PLCL2: variants seen among roughly 807,000 people sequenced by gnomAD.
PLCL2 encodes the protein phospholipase C like 2.
Under a neutral mutation model 79.6 loss-of-function variants are expected in PLCL2, and 4 were observed. The ratio of observed to expected loss-of-function variants is 0.05; its 90% CI spans 0.02 to 0.11. The LOEUF (loss-of-function observed/expected upper bound fraction) is 0.11. Ranked by LOEUF, PLCL2 falls within the 10% of genes least tolerant of loss-of-function variation. The pLI, the probability that PLCL2 is intolerant of heterozygous loss-of-function variation, is 1.00. For synonymous variants in PLCL2, 484 were observed against 457.7 expected (o/e 1.06, Z -0.73); for missense variants, 895 against 1,291.0 (o/e 0.69, Z 4.70).
intron 1 of PLCL2, among the ~76,000 whole-genome samples, chr3:16,960,895 A>G (rs2063748320): frequency 6.6e-6 from 1 of 152,240 alleles, no homozygotes; most frequent in Non-Finnish European, 1.5e-5. Context: ...AATAATTTCA[A>G]TAATGACTTC....
intron 1 of PLCL2, among the ~76,000 whole-genome samples, chr3:16,963,114 G>T (rs1450164925): frequency 6.6e-6 from 1 of 151,980 alleles, no homozygotes; most frequent in African/African-American, 2.4e-5. Context: ...TTTATGTAAA[G>T]ATTTTCATTA....
intron 5 of PLCL2, among the ~76,000 whole-genome samples, chr3:17,083,073 G>A (rs1464097914): frequency 2.6e-5 from 4 of 152,038 alleles, no homozygotes; most frequent in Non-Finnish European, 5.9e-5. Context: ...AAAAATTCCT[G>A]CCCTCGTGAA....
intron 3 of PLCL2, chr3:17,035,708 G>A: frequency 2.0e-6 from 1 of 494,768 alleles, no homozygotes; most frequent in Non-Finnish European, 4.0e-6. Flanking sequence ...CTGCAGTGTA[G>A]AAGTTTATAT....
intron 5 of PLCL2, among the ~76,000 whole-genome samples, chr3:17,072,305 G>A (rs1486453039): frequency 1.3e-5 from 2 of 152,114 alleles, no homozygotes; most frequent in Non-Finnish European, 2.9e-5. Flanking sequence ...GTTAATAGAA[G>A]TCATTTTGCT....
intron 1 of PLCL2, among the ~76,000 whole-genome samples, chr3:16,930,954 C>T (rs926737446): frequency 1.4e-4 from 22 of 152,118 alleles, no homozygotes; most frequent in Admixed American, 7.2e-4. Context: ...CTAGGCATGT[C>T]AGTCTTCTAT....
chr3:16,974,275 G>A (rs992900204), intron 1 of PLCL2, among the ~76,000 whole-genome samples: 1 of 152,172 alleles, frequency 6.6e-6, no homozygotes, highest in Admixed American at 6.5e-5. Context: ...GGGTCTCACA[G>A]CTGCAGTGGA....
intron 1 of PLCL2, among the ~76,000 whole-genome samples, chr3:16,977,481 A>G (rs929900616): frequency 1.3e-5 from 2 of 151,914 alleles, no homozygotes; most frequent in Admixed American, 6.6e-5. Context: ...CTTTTAATCC[A>G]TTCAGATCTA....
chr3:16,944,296 T>C (rs2063581173), intron 1 of PLCL2, among the ~76,000 whole-genome samples: 1 of 152,206 alleles, frequency 6.6e-6, no homozygotes, highest in South Asian at 2.1e-4. Context: ...TTTCCACTTC[T>C]AACGTGCCAG....
intron 1 of PLCL2, among the ~76,000 whole-genome samples, chr3:16,962,627 T>A (rs899689216): frequency 1.3e-5 from 2 of 152,156 alleles, no homozygotes; most frequent in Non-Finnish European, 2.9e-5. Flanking sequence ...AAACTTGATA[T>A]TGTTAAAATT....
chr3:16,947,654 A>G (rs2063614744), intron 1 of PLCL2, among the ~76,000 whole-genome samples: 1 of 152,184 alleles, frequency 6.6e-6, no homozygotes, highest in African/African-American at 2.4e-5. Flanking sequence ...ATTTACCCCA[A>G]GTCAGAAAAG....
chr3:17,075,988 A>G (rs1429600909), intron 5 of PLCL2, among the ~76,000 whole-genome samples: 2 of 152,224 alleles, frequency 1.3e-5, no homozygotes, highest in East Asian at 3.8e-4. Flanking sequence ...GAACATTCAC[A>G]TATCAGTCTT....
intron 4 of PLCL2, among the ~76,000 whole-genome samples, chr3:17,050,620 C>T (rs1311420558): frequency 6.6e-6 from 1 of 152,090 alleles, no homozygotes; most frequent in Non-Finnish European, 1.5e-5. Flanking sequence ...GTTAAAATGG[C>T]TTTTATCCAA....
intron 1 of PLCL2, among the ~76,000 whole-genome samples, chr3:16,905,070 C>T (rs1696720170): frequency 1.3e-5 from 2 of 152,038 alleles, no homozygotes; most frequent in Non-Finnish European, 1.5e-5. Context: ...CCTGTATACT[C>T]CAGGAGAAAC....
intron 3 of PLCL2, among the ~76,000 whole-genome samples, chr3:17,016,456 C>T (rs1266937973): frequency 6.6e-6 from 1 of 152,182 alleles, no homozygotes; most frequent in Non-Finnish European, 1.5e-5. Flanking sequence ...TGGCACCCTC[C>T]TGCAGAGAGG....
At chr3:16,955,811 A>G (rs2063699039) in intron 1 of PLCL2, among the ~76,000 whole-genome samples, 1 of 152,158 alleles carries the variant, frequency 6.6e-6, no homozygotes, top group Non-Finnish European at 1.5e-5. Flanking sequence ...GAGTTCACTC[A>G]TGATTTGGCT....
intron 5 of PLCL2, among the ~76,000 whole-genome samples, chr3:17,071,822 ATTCT>A (rs1450702851): frequency 6.6e-6 from 1 of 151,526 alleles, no homozygotes; most frequent in Non-Finnish European, 1.5e-5. Flanking sequence ...AGCAGACATA[ATTCT>A]TTTTTTTTTT....
At chr3:17,002,752 G>A (rs778966934) in intron 1 of PLCL2, among the ~76,000 whole-genome samples, 3 of 151,914 alleles carry the variant, frequency 2.0e-5, no homozygotes, top group Non-Finnish European at 4.4e-5. Context: ...ACAGCTCTTA[G>A]ATGCTCTGTT....
intron 3 of PLCL2, 152 bp downstream of exon 3, chr3:17,015,063 G>A: frequency 1.6e-6 from 1 of 634,196 alleles, no homozygotes. Flanking sequence ...TGACCTTGCT[G>A]TATTTGAAAG....
At position 17,010,526 on chromosome 3, in the gene PLCL2, GGTCAGGAAAA is replaced by G; in HGVS notation, c.1182_1191del (p.Gln395AlafsTer5). On this transcript the variant is annotated frameshift_variant, in exon 2 of 6. Transcript: ENST00000615277. LOFTEE classifies it high-confidence loss of function. The surrounding 1 kb of genome is among the most constrained non-coding windows in gnomAD (Gnocchi z 5.8). Reference sequence around the variant, plus strand: ...TCACAAATATGAACCATCCAAAGAGGGTCAGGAAAAGGGCTGGCTCTCCATAGACGGGTTC... The same window carrying G: ...TCACAAATATGAACCATCCAAAGAGGGGGCTGGCTCTCCATAGACGGGTTC... The G allele has an allele frequency of 6.2e-7, 1 of 1,613,912 alleles. No homozygotes were observed.
Sources: gnomAD v4.1 joint callset for allele counts (sites outside exome capture counted in the v4.1 genomes callset) on GRCh38, gnomAD v4.1.1 for gene constraint, Gnocchi (gnomAD v3.1) non-coding constraint, MANE v1.5 for transcripts, NCBI Gene and HGNC (gene_info 2026-07-23, HGNC 2026-07-21) for gene names.